Variants in CCDC66 observed in about 807,000 individuals in gnomAD.
CCDC66 encodes the protein coiled-coil domain containing 66.
CCDC66 carries 133 observed loss-of-function variants against 128.3 expected under a neutral mutation model. That is an observed-to-expected ratio of 1.04 (90% CI 0.90 to 1.20). The LOEUF is 1.20. Among genes scored for constraint, CCDC66 ranks in the 50% most tolerant of loss-of-function variants. CCDC66 has a pLI of 0.00. For synonymous variants in CCDC66, 387 were observed against 357.0 expected (o/e 1.08, Z -0.95); for missense variants, 1,126 against 1,075.5 (o/e 1.05, Z -0.66).
chr3:56,618,260 T>C (rs745379127), intron 15 of CCDC66, 48 bp downstream of exon 15: 1 of 1,523,464 alleles, frequency 6.6e-7, no homozygotes, highest in Non-Finnish European at 9.1e-7. Context: ...GCTTTCTATG[T>C]GGGACAAAAA....
At chr3:56,601,065 G>A (rs2073073589) in intron 10 of CCDC66, among the ~76,000 whole-genome samples, 1 of 152,082 alleles carries the variant, frequency 6.6e-6, no homozygotes. Flanking sequence ...TGTCCTGAAT[G>A]ATACTGCCTA....
chr3:56,611,602 T>C (rs2074836309), intron 10 of CCDC66, among the ~76,000 whole-genome samples: 1 of 125,322 alleles, frequency 8.0e-6, no homozygotes, highest in African/African-American at 3.0e-5. Context: ...AGGAAGCTTC[T>C]CGTCCTGTTC....
At chr3:56,610,069 T>G (rs2107283298) in intron 10 of CCDC66, among the ~76,000 whole-genome samples, 1 of 152,332 alleles carries the variant, frequency 6.6e-6, no homozygotes, top group South Asian at 2.1e-4. Flanking sequence ...GATCTTTTTG[T>G]GTTGAATTTC....
chr3:56,592,555 A>G (rs1168526580), intron 7 of CCDC66, among the ~76,000 whole-genome samples: 1 of 145,436 alleles, frequency 6.9e-6, no homozygotes, highest in African/African-American at 2.5e-5. Flanking sequence ...TAGAGATGAG[A>G]TTTTGCCATG....
rs936552450 is a variant in CCDC66 at position 56,612,016 on chromosome 3, T to C, written c.1405-1573T>C. Among the ~76,000 whole-genome samples, 10 of 152,330 alleles carry C rather than the reference T, an allele frequency of 6.6e-5. 1 individual carries two copies. Among genetic ancestry groups the C allele is most frequent in the Admixed American group, 1.3e-4 (2 of 15,304 alleles). Reference sequence around the variant, plus strand: ...CTGGTCTGTTCTTGCAGTTGATCTATAGCTAAAATTCACAATGCAAGCCTC... The same window carrying C: ...CTGGTCTGTTCTTGCAGTTGATCTACAGCTAAAATTCACAATGCAAGCCTC... On this transcript the variant is annotated intron_variant, in intron 10 of 17. Coordinates refer to ENST00000394672, the MANE Select transcript of CCDC66 (RefSeq NM_001141947.3).
intron 7 of CCDC66, chr3:56,573,028 T>A (rs1395100979): frequency 1.3e-5 from 2 of 152,206 alleles, no homozygotes. Flanking sequence ...TTGGTGAGGA[T>A]CCGTTGTTGG....
intron 7 of CCDC66, among the ~76,000 whole-genome samples, chr3:56,585,362 G>A (rs2069492387): frequency 6.6e-6 from 1 of 151,654 alleles, no homozygotes; most frequent in South Asian, 2.1e-4. Context: ...AGAAGAAATT[G>A]CTGTGGGAAC....
Position 56,615,249 on chromosome 3 carries a change from C to G in CCDC66, c.1688C>G (p.Ser563Cys). 1 of 1,612,548 alleles carries G rather than the reference C, an allele frequency of 6.2e-7. No individual in the cohort carries two copies. The highest frequency in any genetic ancestry group is 1.3e-5 in the African/African-American group (1 of 74,954). ...TTGGCGCAAAAGGGACATGACACTT[C>G]TAGACTGATTAAAAATCTTGGTGGT... ...RELAQKGHDTSRLIKNLGVDT... is the reference protein window; with the variant it reads ...RELAQKGHDTCRLIKNLGVDT... The change falls in exon 12 of 18, where the codon TCT (serine) becomes TGT (cysteine). Residue 563 changes from serine (S) to cysteine (C), a missense_variant. By Grantham distance (112) the Ser-to-Cys change is moderately radical. Transcript: ENST00000394672.
At chr3:56,559,685 A>T in intron 3 of CCDC66, 91 bp downstream of exon 3, 1 of 1,005,864 alleles carries the variant, frequency 9.9e-7, no homozygotes, top group African/African-American at 1.7e-5. Flanking sequence ...GGAAATGTCA[A>T]GTGTTCTAAG....
At position 56,594,303 on chromosome 3, in the gene CCDC66, T is replaced by C. The variant is rs576179440; in HGVS notation, c.1404+275T>C. On this transcript the variant is annotated intron_variant, in intron 10 of 17. Transcript: ENST00000394672. Reference sequence around the variant, plus strand: ...GTCTTAGGTTAGTACTGGTTTTTTTTTTTTTCATCAATTTATTTCTCCTGA... The same window carrying C: ...GTCTTAGGTTAGTACTGGTTTTTTTCTTTTTCATCAATTTATTTCTCCTGA... 3.3e-5 allele frequency among the ~76,000 whole-genome samples: 5 copies of C among 152,102 alleles called. No homozygotes were observed. In the South Asian group the frequency reaches 1.0e-3, roughly 32 times the overall value.
chr3:56,568,622 T>G (rs909010672), intron 6 of CCDC66, among the ~76,000 whole-genome samples: 1 of 152,224 alleles, frequency 6.6e-6, no homozygotes, highest in Non-Finnish European at 1.5e-5. Context: ...TTCCTGGAAA[T>G]CCTTTTTTAT....
intron 7 of CCDC66, among the ~76,000 whole-genome samples, chr3:56,576,187 G>C (rs988237746): frequency 2.0e-5 from 3 of 151,058 alleles, no homozygotes; most frequent in African/African-American, 7.3e-5. Flanking sequence ...CCATTTATTT[G>C]TGTCTTTAAT....
chr3:56,601,821 T>C (rs2073216192), intron 10 of CCDC66, among the ~76,000 whole-genome samples: 1 of 152,136 alleles, frequency 6.6e-6, no homozygotes, highest in Non-Finnish European at 1.5e-5. Context: ...ATTGATTTTG[T>C]ATCCTGAGAC....
At chr3:56,615,404 C>A in intron 12 of CCDC66, 132 bp downstream of exon 12, 2 of 815,868 alleles carry the variant, frequency 2.5e-6, no homozygotes, top group Non-Finnish European at 3.6e-6. Flanking sequence ...CATCACAGCT[C>A]ACTGCAACCT....
intron 3 of CCDC66, chr3:56,563,447 A>C (rs77970474): frequency 0.029 from 12,499 of 425,232 alleles, 244 homozygotes; most frequent in Non-Finnish European, 0.039. Flanking sequence ...CATAAGATTC[A>C]AAGCTGGAGT....
intron 10 of CCDC66, among the ~76,000 whole-genome samples, chr3:56,607,333 A>C (rs939352446): frequency 6.6e-6 from 1 of 152,064 alleles, no homozygotes; most frequent in Non-Finnish European, 1.5e-5. Context: ...AGCGTTTTGT[A>C]GTTTTCCTTA....
At chr3:56,589,560 G>A (rs1307251312) in intron 7 of CCDC66, among the ~76,000 whole-genome samples, 2 of 152,126 alleles carry the variant, frequency 1.3e-5, no homozygotes, top group Non-Finnish European at 2.9e-5. Context: ...ATCAATGATA[G>A]TCATCATATT....
rs1481033395 is a variant in CCDC66 at position 56,558,847 on chromosome 3, G to T, written c.13G>T (p.Asp5Tyr). 4.5e-6 allele frequency: 7 copies of T among 1,546,430 alleles called. No individual in the cohort carries two copies. Among genetic ancestry groups the T allele is most frequent in the Non-Finnish European group, 6.1e-6 (7 of 1,142,854 alleles). The change falls in exon 2 of 18, where the codon GAT becomes TAT. Residue 5 changes from aspartate (D) to tyrosine (Y), a missense_variant and splice_region_variant. Asp to Tyr is a radical substitution (Grantham distance 160). Transcript: ENST00000394672. The part of the protein sequence containing the change: MNLG[D>Y]GLKLETELLD... ...GACAACTTTCTTTTTTTATTACAGA[G>T]ATGGTTTAAAGCTTGAAACTGAATT... is the stretch of plus-strand genomic sequence containing the variant.
Position 56,619,361 on chromosome 3 carries a change from G to C in CCDC66, c.2469G>C (p.Glu823Asp). ...LHLPLKNSSY[E>D]RENLISGSNQ... ...TACCACTAAAAAACAGTAGCTATGA[G>C]AGAGAGAATTTGATCTCAGGAAGTA... Residue 823 changes from glutamate to aspartate, a missense_variant, in exon 16 of 18, where the codon GAG (glutamate) becomes GAC (aspartate). Transcript: ENST00000394672. 1 of 1,613,724 alleles carries C rather than the reference G, an allele frequency of 6.2e-7. No homozygotes were observed. The highest frequency in any genetic ancestry group is 8.5e-7 in the Non-Finnish European group (1 of 1,179,772).
Sources: allele counts gnomAD v4.1 joint callset (sites outside exome capture counted in the v4.1 genomes callset), GRCh38; gene constraint gnomAD v4.1.1; transcripts MANE v1.5; gene names NCBI Gene and HGNC (gene_info 2026-07-23, HGNC 2026-07-21).